The following PVT1 variants were observed in gnomAD, a reference collection of about 807,000 sequenced individuals.
The protein encoded by PVT1 is Pvt1 oncogene, also known as CXCR4/PVT1 fusion.
intron 4 of PVT1, among the ~76,000 whole-genome samples, chr8:128,003,167 T>TA (rs1817203858): frequency 6.7e-6 from 1 of 148,956 alleles, no homozygotes; most frequent in Non-Finnish European, 1.5e-5. Flanking sequence ...ACACCTTTTT[T>TA]TTTTTTAGTA....
At chr8:128,012,088 G>A (rs1362395950) in intron 4 of PVT1, among the ~76,000 whole-genome samples, 2 of 152,290 alleles carry the variant, frequency 1.3e-5, no homozygotes, top group Non-Finnish European at 2.9e-5. Flanking sequence ...AATTTCCAAA[G>A]CATTTTTGTG....
At chr8:127,801,977 A>T (rs1461525893) in intron 2 of PVT1, among the ~76,000 whole-genome samples, 5 of 152,048 alleles carry the variant, frequency 3.3e-5, no homozygotes, top group African/African-American at 1.2e-4. Context: ...GTGCAGTGGC[A>T]TGATCTCGGC....
At chr8:128,100,158 CCTTCTTT>C (rs1814486165) in intron 6 of PVT1, among the ~76,000 whole-genome samples, 1 of 49,838 alleles carries the variant, frequency 2.0e-5, no homozygotes, top group African/African-American at 8.4e-5. Context: ...TTCCTTCCTT[CCTTCTTT>C]CCTCCCTCCC....
chr8:128,083,837 C>T (rs971097281), intron 5 of PVT1, among the ~76,000 whole-genome samples: 2 of 152,184 alleles, frequency 1.3e-5, no homozygotes, highest in Non-Finnish European at 2.9e-5. Context: ...CATTTTCTAC[C>T]ATCCAAGTTG....
intron 2 of PVT1, among the ~76,000 whole-genome samples, chr8:127,830,274 G>A (rs1814834819): frequency 6.6e-6 from 1 of 152,166 alleles, no homozygotes; most frequent in African/African-American, 2.4e-5. Flanking sequence ...GACATTTCTT[G>A]AAGAAGATAG....
chr8:128,084,428 T>C (rs1322531344), intron 5 of PVT1, among the ~76,000 whole-genome samples: 1 of 152,220 alleles, frequency 6.6e-6, no homozygotes, highest in Admixed American at 6.5e-5. Context: ...AGAGAGGCCT[T>C]TTCTGACCAC....
chr8:127,801,231 G>GT (rs1226299846), intron 2 of PVT1, among the ~76,000 whole-genome samples: 2 of 152,132 alleles, frequency 1.3e-5, no homozygotes, highest in South Asian at 2.1e-4. Context: ...CCCTTGCGGT[G>GT]TTTTTTGTTT....
chr8:128,012,923 A>G (rs920984746), intron 4 of PVT1, among the ~76,000 whole-genome samples: 1 of 152,198 alleles, frequency 6.6e-6, no homozygotes, highest in Admixed American at 6.5e-5. Context: ...ATGGTTGAGA[A>G]TCACCAAATT....
At chr8:127,975,919 T>C (rs1816818462) in intron 3 of PVT1, among the ~76,000 whole-genome samples, 1 of 152,204 alleles carries the variant, frequency 6.6e-6, no homozygotes, top group African/African-American at 2.4e-5. Flanking sequence ...CCTGTGGAGC[T>C]GGAGGCTTCT....
chr8:127,860,393 T>C lies in PVT1; in HGVS notation n.373-30196T>C, dbSNP rs1338049686. ...GAGGAGCCTTTGGGGGAAAACTTTT[T>C]CTCGGAGCTTCGGAGCTCAGGGAGT... On this transcript the variant is annotated intron_variant and non_coding_transcript_variant, in intron 2 of 10. Transcript: ENST00000651587. Among the ~76,000 whole-genome samples the C allele has an allele frequency of 2.0e-5, 3 of 152,244 alleles. No individual in the cohort carries two copies. In the East Asian group the frequency reaches 5.8e-4, roughly 29 times the overall value.
At chr8:127,891,557 C>T (rs1815602672) in intron 3 of PVT1, among the ~76,000 whole-genome samples, 1 of 152,170 alleles carries the variant, frequency 6.6e-6, no homozygotes. Flanking sequence ...CCTTTCCCTG[C>T]AGTGAAGGGT....
intron 3 of PVT1, among the ~76,000 whole-genome samples, chr8:127,952,535 T>C (rs1816517279): frequency 6.6e-6 from 1 of 152,262 alleles, no homozygotes; most frequent in Non-Finnish European, 1.5e-5. Context: ...CCTTTACATC[T>C]TGAAGATCTG....
intron 4 of PVT1, among the ~76,000 whole-genome samples, chr8:127,990,896 G>A (rs1817029477): frequency 6.6e-6 from 1 of 152,210 alleles, no homozygotes; most frequent in African/African-American, 2.4e-5. Context: ...GAGGCTTCCT[G>A]GAGCAGGTGC....
At chr8:128,091,135 C>T (rs1044221653) in intron 5 of PVT1, among the ~76,000 whole-genome samples, 1 of 152,112 alleles carries the variant, frequency 6.6e-6, no homozygotes, top group South Asian at 2.1e-4. Flanking sequence ...TTATTTTTAG[C>T]CCAGCAGGAC....
chr8:128,049,898 T>C (rs1813668171), intron 4 of PVT1, among the ~76,000 whole-genome samples: 1 of 152,188 alleles, frequency 6.6e-6, no homozygotes, highest in South Asian at 2.1e-4. Context: ...TGCCTCTCAT[T>C]TGCCCTGAAT....
chr8:128,085,585 G>C (rs963764265), intron 5 of PVT1, among the ~76,000 whole-genome samples: 1 of 152,076 alleles, frequency 6.6e-6, no homozygotes, highest in Non-Finnish European at 1.5e-5. Context: ...GCAAAAGCAA[G>C]TTTTGTCCAA....
chr8:128,004,838 T>C (rs889807591), intron 4 of PVT1, among the ~76,000 whole-genome samples: 2 of 152,140 alleles, frequency 1.3e-5, no homozygotes, highest in African/African-American at 4.8e-5. Flanking sequence ...TGACATGAAA[T>C]TGATTATAAA....
At position 127,813,045 on chromosome 8, in the gene PVT1, G is replaced by A. The variant is rs75345820; in HGVS notation, n.372+16974G>A. ...AATGTTATCTAGTACTACTAATAGC[G>A]ATATTAAAATGGCATTATATAGATA... is the stretch of plus-strand genomic sequence containing the variant. On this transcript the variant is annotated intron_variant and non_coding_transcript_variant, in intron 2 of 10. Coordinates refer to ENST00000651587, the Ensembl canonical transcript of PVT1. Among the ~76,000 whole-genome samples the A allele has an allele frequency of 2.4e-3, 362 of 151,486 alleles. 2 individuals carry two copies. The highest frequency in any genetic ancestry group is 8.3e-3 in the African/African-American group (343 of 41,304).
intron 4 of PVT1, among the ~76,000 whole-genome samples, chr8:128,069,653 T>G (rs1472252719): frequency 4.6e-5 from 7 of 152,104 alleles, no homozygotes; most frequent in Admixed American, 2.0e-4. Flanking sequence ...GTTCCAAGCT[T>G]AGAATCTCCC....
Sources: allele counts gnomAD v4.1 joint callset (sites outside exome capture counted in the v4.1 genomes callset), GRCh38; gene constraint gnomAD v4.1.1; transcripts MANE v1.5; gene names NCBI Gene and HGNC (gene_info 2026-07-23, HGNC 2026-07-21).